The following NRG1 variants were observed in gnomAD, a reference collection of about 807,000 sequenced individuals.
The protein encoded by NRG1 is pro-neuregulin-1, membrane-bound isoform.
A neutral mutation model predicts 63.8 loss-of-function variants in NRG1; 18 were observed. The ratio of observed to expected loss-of-function variants is 0.28; its 90% confidence interval spans 0.19 to 0.42. The LOEUF (loss-of-function observed/expected upper bound fraction) is 0.42. Among genes scored for constraint, NRG1 ranks in the 10% least tolerant of loss-of-function variants. NRG1 has a pLI of 1.00. For synonymous variants in NRG1, 302 were observed against 301.3 expected (o/e 1.00, Z -0.02); for missense variants, 762 against 814.7 (o/e 0.94, Z 0.79).
intron 1 of NRG1, among the ~76,000 whole-genome samples, chr8:32,053,343 GA>G (rs894499008): frequency 1.3e-5 from 2 of 152,122 alleles, no homozygotes; most frequent in Non-Finnish European, 2.9e-5. Context: ...GAGTGAATGA[GA>G]AAATGAATAC....
chr8:32,069,331 T>C (rs889321640), intron 1 of NRG1, among the ~76,000 whole-genome samples: 3 of 152,222 alleles, frequency 2.0e-5, no homozygotes, highest in Admixed American at 6.5e-5. Flanking sequence ...AGATCATCAA[T>C]ATCATTGAGC....
chr8:31,662,429 A>C (rs754660628), intron 1 of NRG1, among the ~76,000 whole-genome samples: 2 of 152,228 alleles, frequency 1.3e-5, no homozygotes, highest in Non-Finnish European at 2.9e-5. Context: ...TGTAGTTCCC[A>C]GCATTATTTT....
In NRG1 at chr8:31,858,391, G is replaced by T. The variant is rs186862607; in HGVS notation, c.37+218960G>T. On this transcript the variant is annotated intron_variant, in intron 1 of 10. Transcript: ENST00000519301. ...TGAAGAAAATTGGAAAGGTGAAAAAGCTTGATAAGTGGATGCCTCATGAGC... is the reference window on the plus strand; with the variant it reads ...TGAAGAAAATTGGAAAGGTGAAAAATCTTGATAAGTGGATGCCTCATGAGC... 3.2e-3 allele frequency among the ~76,000 whole-genome samples: 489 copies of T among 152,174 alleles called. 2 individuals carry two copies. The highest frequency in any genetic ancestry group is 5.7e-3 in the Non-Finnish European group (389 of 68,006).
intron 1 of NRG1, among the ~76,000 whole-genome samples, chr8:32,316,042 A>G (rs936781444): frequency 6.7e-6 from 1 of 149,256 alleles, no homozygotes; most frequent in Non-Finnish European, 1.5e-5. Flanking sequence ...ATACAAATAC[A>G]TGATATCTGA....
At chr8:32,281,225 T>G (rs1358062150) in intron 1 of NRG1, among the ~76,000 whole-genome samples, 1 of 133,854 alleles carries the variant, frequency 7.5e-6, no homozygotes, top group African/African-American at 2.9e-5. Flanking sequence ...TCGCTCAGGC[T>G]GGGGTGCAGT....
chr8:32,614,603 T>G, intron 4 of NRG1, 39 bp downstream of exon 4: 1 of 1,595,900 alleles, frequency 6.3e-7, no homozygotes, highest in Non-Finnish European at 8.6e-7. Context: ...CTAACCAGAA[T>G]GACAACCATA....
At chr8:32,688,032 A>G (rs1261733865) in intron 5 of NRG1, among the ~76,000 whole-genome samples, 1 of 152,204 alleles carries the variant, frequency 6.6e-6, no homozygotes, top group Non-Finnish European at 1.5e-5. Context: ...TATCCAAACT[A>G]TATCAGGTGG....
chr8:31,966,261 T>C (rs1323995577), intron 1 of NRG1, among the ~76,000 whole-genome samples: 2 of 152,148 alleles, frequency 1.3e-5, no homozygotes, highest in Admixed American at 1.3e-4. Context: ...TATCTTACCA[T>C]GTAGAAATTT....
downstream of NRG1, among the ~76,000 whole-genome samples, chr8:32,769,983 CAGG>C (rs1831674889): frequency 6.6e-6 from 1 of 152,024 alleles, no homozygotes; most frequent in Admixed American, 6.6e-5. Context: ...AAAAACAGAC[CAGG>C]AGAAGGAAAC....
intron 1 of NRG1, among the ~76,000 whole-genome samples, chr8:31,872,361 C>G (rs1266006983): frequency 6.6e-6 from 1 of 152,072 alleles, no homozygotes; most frequent in African/African-American, 2.4e-5. Context: ...CTTGTTCCAA[C>G]TACATCAGAA....
chr8:32,289,726 A>G (rs1853967884), intron 1 of NRG1, among the ~76,000 whole-genome samples: 1 of 152,170 alleles, frequency 6.6e-6, no homozygotes, highest in Non-Finnish European at 1.5e-5. Flanking sequence ...AACAAATGAG[A>G]TACTCATGAA....
chr8:32,760,501 C>G lies in NRG1; in HGVS notation c.1259+95C>G, dbSNP rs1830499609. On this transcript the variant is annotated intron_variant, in intron 11 of 11. Coordinates refer to ENST00000356819, the Ensembl canonical transcript of NRG1. ...CTCACCTCAGGAAATCTACTCTAAT[C>G]AGAATAAGGGGCGGCAGTTACCTGT... is the stretch of plus-strand genomic sequence containing the variant. 5 of 1,572,838 alleles carry G rather than the reference C, an allele frequency of 3.2e-6. No individual in the cohort carries two copies. In the Admixed American group the frequency reaches 8.8e-5, roughly 28 times the overall value.
intron 1 of NRG1, among the ~76,000 whole-genome samples, chr8:32,092,445 G>A (rs1339748890): frequency 7.9e-6 from 1 of 126,764 alleles, no homozygotes; most frequent in Non-Finnish European, 1.6e-5. Flanking sequence ...CTGGGTGACA[G>A]AGCAAGACCC....
intron 1 of NRG1, among the ~76,000 whole-genome samples, chr8:31,693,206 T>C (rs1809711461): frequency 6.6e-6 from 1 of 152,022 alleles, no homozygotes; most frequent in Non-Finnish European, 1.5e-5. Context: ...TCTTGAAAAA[T>C]AGGAAGTAGC....
chr8:31,874,683 G>A (rs1184987446), intron 1 of NRG1, among the ~76,000 whole-genome samples: 1 of 152,098 alleles, frequency 6.6e-6, no homozygotes, highest in African/African-American at 2.4e-5. Flanking sequence ...TTATCAAATA[G>A]TAGGTCTTAT....
intron 1 of NRG1, among the ~76,000 whole-genome samples, chr8:32,370,922 G>A (rs1016671059): frequency 2.7e-5 from 4 of 150,726 alleles, no homozygotes; most frequent in Non-Finnish European, 4.4e-5. Flanking sequence ...GATGAAATGG[G>A]ATGCTTTCAC....
intron 1 of NRG1, among the ~76,000 whole-genome samples, chr8:32,282,148 T>G (rs58498852): frequency 0.039 from 5,885 of 152,268 alleles, 207 homozygotes; most frequent in African/African-American, 0.094. Flanking sequence ...GAGTGGAGTT[T>G]GCACAGCTGG....
At chr8:32,600,199 G>C (rs1292244423) in intron 2 of NRG1, among the ~76,000 whole-genome samples, 3 of 151,948 alleles carry the variant, frequency 2.0e-5, no homozygotes, top group African/African-American at 7.3e-5. Flanking sequence ...GAGCGCAGGA[G>C]TTCAAGACCA....
chr8:31,661,458 G>T (rs1231699457), intron 1 of NRG1, among the ~76,000 whole-genome samples: 3 of 152,162 alleles, frequency 2.0e-5, no homozygotes, highest in Non-Finnish European at 4.4e-5. Context: ...GGTAGTTCCT[G>T]CAGTGTGAGG....
Sources: gnomAD v4.1 joint callset for allele counts (sites outside exome capture counted in the v4.1 genomes callset) on GRCh38, gnomAD v4.1.1 for gene constraint, MANE v1.5 for transcripts, NCBI Gene and HGNC (gene_info 2026-07-23, HGNC 2026-07-21) for gene names.